AOAH: variants seen among roughly 807,000 people sequenced by gnomAD.
AOAH encodes acyloxyacyl hydrolase (neutrophil).
A neutral mutation model predicts 92.2 loss-of-function variants in AOAH; 64 were observed. That is an observed-to-expected ratio of 0.69 (90% CI 0.57 to 0.86). The LOEUF (loss-of-function observed/expected upper bound fraction) is 0.86, where lower values mean the gene tolerates loss of function less well. Among genes scored for constraint, AOAH ranks in the 40% least tolerant of loss-of-function variants. The pLI, the probability that AOAH is intolerant of heterozygous loss-of-function variation, is 0.00. For synonymous variants in AOAH, 263 were observed against 254.5 expected (o/e 1.03, Z -0.32); for missense variants, 656 against 694.6 (o/e 0.94, Z 0.62).
At chr7:36,674,146 A>G in intron 2 of AOAH, 137 bp from the exon 3 acceptor site, 1 of 609,244 alleles carries the variant, frequency 1.6e-6, no homozygotes, top group South Asian at 2.3e-5. Flanking sequence ...ATTTGAAGGA[A>G]ATGTTTCAGC....
intron 4 of AOAH, among the ~76,000 whole-genome samples, chr7:36,643,098 A>T (rs141126779): frequency 3.9e-4 from 59 of 152,368 alleles, no homozygotes; most frequent in African/African-American, 1.4e-3. Context: ...AACTGGAAAG[A>T]GTATAATAAT....
chr7:36,650,356 T>C (rs1364187035), intron 4 of AOAH, among the ~76,000 whole-genome samples: 1 of 152,030 alleles, frequency 6.6e-6, no homozygotes, highest in East Asian at 1.9e-4. Flanking sequence ...AGTTGATAAA[T>C]CAATCAGAAA....
At chr7:36,601,778 G>A (rs1015758642) in intron 11 of AOAH, among the ~76,000 whole-genome samples, 3 of 152,162 alleles carry the variant, frequency 2.0e-5, no homozygotes, top group Admixed American at 6.5e-5. Flanking sequence ...CTTATCTAAC[G>A]TGTGAGTCCT....
chr7:36,596,499 A>C (rs1278936884), intron 11 of AOAH, among the ~76,000 whole-genome samples: 1 of 152,186 alleles, frequency 6.6e-6, no homozygotes, highest in African/African-American at 2.4e-5. Flanking sequence ...TACTGGAATA[A>C]GATGGGCCCC....
intron 2 of AOAH, among the ~76,000 whole-genome samples, chr7:36,675,040 C>A (rs9639736): frequency 0.25 from 37,622 of 152,092 alleles, 5,685 homozygotes; most frequent in African/African-American, 0.43. Context: ...AGATCGCCTG[C>A]GGTCAGGAGT....
chr7:36,524,095 G>A (rs1016294552), intron 19 of AOAH, among the ~76,000 whole-genome samples: 1 of 151,922 alleles, frequency 6.6e-6, no homozygotes, highest in African/African-American at 2.4e-5. Flanking sequence ...GCTCCTTTTT[G>A]CTTCACCAAA....
intron 3 of AOAH, among the ~76,000 whole-genome samples, chr7:36,671,703 A>G (rs1009922619): frequency 9.2e-5 from 14 of 151,458 alleles, no homozygotes; most frequent in Admixed American, 2.0e-4. Context: ...GTGGGTTCAT[A>G]AGATTTGTTT....
chr7:36,541,776 T>C (rs1785441242), intron 15 of AOAH, among the ~76,000 whole-genome samples: 1 of 152,236 alleles, frequency 6.6e-6, no homozygotes, highest in African/African-American at 2.4e-5. Context: ...AATATAAGTT[T>C]ATTATTGTTC....
intron 1 of AOAH, among the ~76,000 whole-genome samples, chr7:36,701,455 T>C (rs1251888709): frequency 6.6e-6 from 1 of 150,602 alleles, no homozygotes. Flanking sequence ...ATTAAGTTCA[T>C]ATACATAATT....
chr7:36,547,968 G>A (rs547297140), intron 15 of AOAH, among the ~76,000 whole-genome samples: 9 of 152,200 alleles, frequency 5.9e-5, no homozygotes, highest in East Asian at 1.9e-4. Context: ...GAGTGAGATC[G>A]ATGTTCTTAT....
chr7:36,650,530 T>A (rs1163261578), intron 4 of AOAH, among the ~76,000 whole-genome samples: 2 of 152,276 alleles, frequency 1.3e-5, no homozygotes, highest in Middle Eastern at 3.4e-3. Context: ...GCACAACAGT[T>A]CTCACCCTTC....
At chr7:36,519,360 C>G (rs76139397) in intron 20 of AOAH, among the ~76,000 whole-genome samples, 3,788 of 152,362 alleles carry the variant, frequency 0.025, 139 homozygotes, top group African/African-American at 0.075. Flanking sequence ...CAGAATACTT[C>G]CTGAAACCCC....
At chr7:36,677,825 T>C (rs1796350010) in intron 2 of AOAH, among the ~76,000 whole-genome samples, 1 of 152,188 alleles carries the variant, frequency 6.6e-6, no homozygotes, top group South Asian at 2.1e-4. Flanking sequence ...TAAAACACTA[T>C]GCTAAGGGAA....
chr7:36,595,258 G>A lies in AOAH; in HGVS notation c.847-828C>T, dbSNP rs146213669. On this transcript the variant is annotated intron_variant, in intron 11 of 20. Transcript: ENST00000617537. ...AATAAAAATAAAGGGTACCAGCCAGGTGCTGTGGCTTGTGCCAGTAATCCC... is the reference window on the plus strand; with the variant it reads ...AATAAAAATAAAGGGTACCAGCCAGATGCTGTGGCTTGTGCCAGTAATCCC... 1.2e-4 allele frequency among the ~76,000 whole-genome samples: 18 copies of A among 152,366 alleles called. No individual in the cohort carries two copies. The East Asian group carries it at 1.9e-3, about 16-fold the overall frequency.
At chr7:36,534,084 C>T (rs1784863626) in intron 16 of AOAH, among the ~76,000 whole-genome samples, 1 of 152,194 alleles carries the variant, frequency 6.6e-6, no homozygotes, top group South Asian at 2.1e-4. Flanking sequence ...ACTCTCCCCT[C>T]CCCACCTTCA....
intron 19 of AOAH, among the ~76,000 whole-genome samples, chr7:36,526,898 A>G (rs985924458): frequency 6.6e-5 from 10 of 152,220 alleles, no homozygotes; most frequent in African/African-American, 2.2e-4. Flanking sequence ...TTACAAATGT[A>G]TTCATGGTGC....
chr7:36,699,189 C>T (rs568818417), intron 1 of AOAH, among the ~76,000 whole-genome samples: 4 of 152,120 alleles, frequency 2.6e-5, no homozygotes, highest in African/African-American at 9.6e-5. Flanking sequence ...ACCATATTTT[C>T]TTTATGTGTT....
At chr7:36,596,293 A>G (rs1482722929) in intron 11 of AOAH, among the ~76,000 whole-genome samples, 1 of 152,114 alleles carries the variant, frequency 6.6e-6, no homozygotes, top group Non-Finnish European at 1.5e-5. Context: ...GGAAAAACTC[A>G]ATCCTCCTAT....
intron 13 of AOAH, 36 bp from the exon 14 acceptor site, chr7:36,549,511 G>A: frequency 6.9e-7 from 1 of 1,450,030 alleles, no homozygotes; most frequent in East Asian, 2.3e-5. Flanking sequence ...ATTAAAGTTA[G>A]TGAGTTCAAT....
Sources: gnomAD v4.1 joint callset for allele counts (sites outside exome capture counted in the v4.1 genomes callset) on GRCh38, gnomAD v4.1.1 for gene constraint, MANE v1.5 for transcripts, NCBI Gene and HGNC (gene_info 2026-07-23, HGNC 2026-07-21) for gene names.